MLIP: variants seen among roughly 807,000 people sequenced by gnomAD.
The protein encoded by MLIP is muscular LMNA-interacting protein.
Under a neutral mutation model 84.8 loss-of-function variants are expected in MLIP, and 79 were observed. The ratio of observed to expected loss-of-function variants is 0.93; its 90% CI spans 0.78 to 1.12. The LOEUF is 1.12. MLIP is among the 50% of genes most tolerant of loss of function. The pLI, the probability that MLIP is intolerant of heterozygous loss-of-function variation, is 0.00. For missense variants in MLIP, 1,257 were observed against 1,160.6 expected (o/e 1.08, Z -1.21); for synonymous variants, 504 against 463.0 (o/e 1.09, Z -1.14).
At chr6:54,078,397 G>A (rs889876861) in intron 1 of MLIP, among the ~76,000 whole-genome samples, 1 of 152,164 alleles carries the variant, frequency 6.6e-6, no homozygotes, top group Admixed American at 6.5e-5. Flanking sequence ...CTCAAGACCA[G>A]CCTGGGCAAT....
chr6:54,094,788 A>G (rs892564195), intron 1 of MLIP, among the ~76,000 whole-genome samples: 1 of 152,100 alleles, frequency 6.6e-6, no homozygotes, highest in Non-Finnish European at 1.5e-5. Context: ...GAAACTTAGC[A>G]TCTGTTTCTC....
At position 54,065,253 on chromosome 6, in the gene MLIP, C is replaced by T. The variant is rs576551136; in HGVS notation, c.63+46162C>T. On this transcript the variant is annotated intron_variant, in intron 1 of 12. Transcript: ENST00000274897. Reference sequence around the variant, plus strand: ...ATTGATTCATGCTAAACGTCCAGAACGGTACCTGATAAATTCTTATATGTG... The same window carrying T: ...ATTGATTCATGCTAAACGTCCAGAATGGTACCTGATAAATTCTTATATGTG... Among the ~76,000 whole-genome samples, 252 of 100,032 alleles carry T rather than the reference C, an allele frequency of 2.5e-3. 31 individuals carry two copies. Among genetic ancestry groups the T allele is most frequent in the African/African-American group, 5.7e-3 (222 of 39,194 alleles). The allele number at this position is 100,032 out of a possible 152,430, so 65.6% of individuals were successfully genotyped here. A position where few individuals can be genotyped will look rare whatever the true frequency, so the allele number is the denominator to read the frequency against.
At chr6:54,188,806 A>C (rs1777645605) in intron 9 of MLIP, among the ~76,000 whole-genome samples, 1 of 152,224 alleles carries the variant, frequency 6.6e-6, no homozygotes, top group African/African-American at 2.4e-5. Flanking sequence ...AGAAAAAGAA[A>C]TCTACACCAA....
chr6:54,242,483 G>A (rs1259269667), intron 12 of MLIP, among the ~76,000 whole-genome samples: 1 of 152,050 alleles, frequency 6.6e-6, no homozygotes, highest in Non-Finnish European at 1.5e-5. Context: ...ATATATTCAA[G>A]CATGGGTTGA....
At chr6:54,158,584 T>G (rs1340661) in intron 5 of MLIP, among the ~76,000 whole-genome samples, 95,002 of 151,860 alleles carry the variant, frequency 0.63, 31,668 homozygotes, top group East Asian at 0.9. Flanking sequence ...CTATAATCGA[T>G]GATCAATTTA....
At chr6:54,265,410 C>T (rs979612032) in intron 13 of MLIP, among the ~76,000 whole-genome samples, 21 of 152,218 alleles carry the variant, frequency 1.4e-4, no homozygotes, top group African/African-American at 4.8e-4. Flanking sequence ...TCCTCTACCA[C>T]AGAGCAAAAT....
chr6:54,154,546 A>G (rs996806325), intron 5 of MLIP, among the ~76,000 whole-genome samples: 20 of 152,160 alleles, frequency 1.3e-4, no homozygotes, highest in Non-Finnish European at 7.4e-5. Context: ...AATTCCCTAA[A>G]GCATCAAGGT....
At position 54,261,976 on chromosome 6, in the gene MLIP, G is replaced by A. The variant is rs549578803; in HGVS notation, c.2977-3974G>A. ...GATTCCTATGCATTGATAGACAAATGGCTACAGGGCCAGGGTAAATTTGTC... is the reference window on the plus strand; with the variant it reads ...GATTCCTATGCATTGATAGACAAATAGCTACAGGGCCAGGGTAAATTTGTC... On this transcript the variant is annotated intron_variant, in intron 13 of 13. Transcript: ENST00000502396. Among the ~76,000 whole-genome samples the A allele has an allele frequency of 1.4e-3, 213 of 152,076 alleles. 3 individuals carry two copies. The highest frequency in any genetic ancestry group is 4.9e-3 in the African/African-American group (203 of 41,526).
intron 9 of MLIP, among the ~76,000 whole-genome samples, chr6:54,189,378 A>G (rs952280269): frequency 6.6e-6 from 1 of 152,226 alleles, no homozygotes; most frequent in Non-Finnish European, 1.5e-5. Flanking sequence ...AAACAATTCT[A>G]AAAACCAAGT....
At chr6:54,054,432 A>C (rs1295550673) in intron 1 of MLIP, among the ~76,000 whole-genome samples, 1 of 31,756 alleles carries the variant, frequency 3.1e-5, no homozygotes, top group Non-Finnish European at 1.8e-4. Context: ...AAAAAAGGCA[A>C]AAAAAAAAAA....
chr6:54,190,864 C>T (rs867084587), intron 10 of MLIP, among the ~76,000 whole-genome samples: 1 of 149,252 alleles, frequency 6.7e-6, no homozygotes, highest in Non-Finnish European at 1.5e-5. Flanking sequence ...GGTGCGATCT[C>T]GGCTCACTGC....
At chr6:54,044,998 G>A (rs1764954068) in intron 1 of MLIP, among the ~76,000 whole-genome samples, 1 of 152,090 alleles carries the variant, frequency 6.6e-6, no homozygotes, top group Non-Finnish European at 1.5e-5. Context: ...TTTAATCATA[G>A]TAATTTAAAA....
At chr6:54,204,709 C>T (rs538156150) in intron 11 of MLIP, among the ~76,000 whole-genome samples, 2 of 152,190 alleles carry the variant, frequency 1.3e-5, no homozygotes, top group South Asian at 2.1e-4. Context: ...AAAATAATTG[C>T]CATTTCTTTT....
intron 10 of MLIP, among the ~76,000 whole-genome samples, chr6:54,199,393 T>A (rs1471963191): frequency 6.6e-6 from 1 of 152,142 alleles, no homozygotes; most frequent in Non-Finnish European, 1.5e-5. Flanking sequence ...GATGAGATGA[T>A]CTATCTAAAA....
At chr6:54,073,958 G>A (rs759780882) in intron 1 of MLIP, among the ~76,000 whole-genome samples, 11 of 152,178 alleles carry the variant, frequency 7.2e-5, no homozygotes, top group Non-Finnish European at 1.3e-4. Context: ...ATTCTTGCAA[G>A]CAGCAATGGG....
rs536025996 is a variant in MLIP at position 54,262,317 on chromosome 6, T to C, written c.2977-3633T>C. Among the ~76,000 whole-genome samples, 16 of 152,194 alleles carry C rather than the reference T, an allele frequency of 1.1e-4. No homozygotes were observed. The South Asian group carries it at 1.4e-3, about 14-fold the overall frequency. On this transcript the variant is annotated intron_variant, in intron 13 of 13. Transcript: ENST00000502396. Reference sequence around the variant, plus strand: ...ATGTGCATCATAGGCAATCTGCTAATAGACTGCAAAGACGAGAAGAAATCT... The same window carrying C: ...ATGTGCATCATAGGCAATCTGCTAACAGACTGCAAAGACGAGAAGAAATCT...
intron 1 of MLIP, among the ~76,000 whole-genome samples, chr6:54,066,321 C>A (rs2150338695): frequency 9.9e-6 from 1 of 100,664 alleles, no homozygotes; most frequent in Non-Finnish European, 2.9e-5. Flanking sequence ...TTTCTATGAG[C>A]ATTAAATATG....
chr6:54,221,184 A>G (rs1050868087), intron 11 of MLIP, among the ~76,000 whole-genome samples: 4 of 152,172 alleles, frequency 2.6e-5, no homozygotes, highest in Admixed American at 2.6e-4. Context: ...AGCTGATGAT[A>G]GTCTTCATTA....
At chr6:54,228,567 A>T (rs776807013) in intron 11 of MLIP, among the ~76,000 whole-genome samples, 6 of 146,256 alleles carry the variant, frequency 4.1e-5, no homozygotes, top group Non-Finnish European at 9.1e-5. Context: ...AGAGCTGAAG[A>T]TTGGCAAAAG....
Sources: allele counts gnomAD v4.1 joint callset (sites outside exome capture counted in the v4.1 genomes callset), GRCh38; gene constraint gnomAD v4.1.1; transcripts MANE v1.5; gene names NCBI Gene and HGNC (gene_info 2026-07-23, HGNC 2026-07-21).